Variants in AFG2A observed in about 807,000 individuals in gnomAD.
AFG2A encodes the protein ATPase family gene 2 protein homolog A.
chr4:122,937,730 T>G, the AFG2A span, among the ~76,000 whole-genome samples: 54 of 152,326 alleles, frequency 3.5e-4, no homozygotes, highest in Non-Finnish European at 7.2e-4. Flanking sequence ...TTTAATGGTT[T>G]AAAAATAACA....
At chr4:123,177,839 G>A in the AFG2A span, among the ~76,000 whole-genome samples, 2 of 152,082 alleles carry the variant, frequency 1.3e-5, no homozygotes, top group Admixed American at 6.5e-5. Context: ...GCCGCATAGG[G>A]GACTATGAAG....
chr4:123,193,026 GATC>G, the AFG2A span, among the ~76,000 whole-genome samples: 5 of 152,258 alleles, frequency 3.3e-5, no homozygotes, highest in Admixed American at 6.5e-5. Context: ...TTGCTTGCTC[GATC>G]ATCAAGTGGC....
the AFG2A span, among the ~76,000 whole-genome samples, chr4:123,193,792 T>C: frequency 1.3e-5 from 2 of 152,210 alleles, no homozygotes; most frequent in African/African-American, 4.8e-5. Context: ...CTATAAAATA[T>C]GCTTCAAAAA....
At chr4:122,943,303 A>G in the AFG2A span, among the ~76,000 whole-genome samples, 10 of 152,166 alleles carry the variant, frequency 6.6e-5, no homozygotes, top group Admixed American at 1.3e-4. Flanking sequence ...GACTTGCTTT[A>G]TGAATCTGGG....
chr4:123,035,066 T>C, the AFG2A span, among the ~76,000 whole-genome samples: 2 of 151,986 alleles, frequency 1.3e-5, no homozygotes, highest in Non-Finnish European at 2.9e-5. Context: ...GAACCTGGGT[T>C]TGGGGCTGCC....
the AFG2A span, among the ~76,000 whole-genome samples, chr4:123,095,608 A>G: frequency 1.3e-5 from 2 of 152,168 alleles, no homozygotes; most frequent in Non-Finnish European, 2.9e-5. Context: ...TGAAGTAAAG[A>G]CACAGTTTTT....
At chr4:123,207,372 C>T in the AFG2A span, among the ~76,000 whole-genome samples, 4 of 138,162 alleles carry the variant, frequency 2.9e-5, no homozygotes, top group Non-Finnish European at 4.5e-5. Flanking sequence ...AGTGTAGTGG[C>T]GCAATCACAC....
the AFG2A span, among the ~76,000 whole-genome samples, chr4:123,260,487 A>G: frequency 6.6e-6 from 1 of 152,226 alleles, no homozygotes; most frequent in African/African-American, 2.4e-5. Flanking sequence ...ATTATAGCTA[A>G]TAAAAGGAGA....
the AFG2A span, among the ~76,000 whole-genome samples, chr4:123,126,581 T>A: frequency 1.5e-3 from 225 of 152,270 alleles, 1 homozygote; most frequent in Admixed American, 2.7e-3. Context: ...AATTGAATCA[T>A]GGGGGTGCTT....
chr4:123,166,001 A>G, the AFG2A span, among the ~76,000 whole-genome samples: 1 of 152,156 alleles, frequency 6.6e-6, no homozygotes, highest in Non-Finnish European at 1.5e-5. Context: ...TTGGCTTCAT[A>G]TTTTTAATTT....
chr4:123,220,233 A>G, the AFG2A span, among the ~76,000 whole-genome samples: 2 of 152,166 alleles, frequency 1.3e-5, no homozygotes, highest in Non-Finnish European at 2.9e-5. Context: ...ATATAATTCT[A>G]TTACATATTT....
chr4:123,227,754 C>T, the AFG2A span, among the ~76,000 whole-genome samples: 2 of 152,108 alleles, frequency 1.3e-5, no homozygotes, highest in South Asian at 4.2e-4. Context: ...GAGTTCAATT[C>T]CTGGGTATCC....
chr4:123,020,952 A>AT, the AFG2A span, among the ~76,000 whole-genome samples: 1 of 152,006 alleles, frequency 6.6e-6, no homozygotes, highest in South Asian at 2.1e-4. Context: ...AAACATTACG[A>AT]TTTTTTTCTT....
the AFG2A span, among the ~76,000 whole-genome samples, chr4:123,204,626 C>CT: frequency 4.6e-5 from 7 of 152,264 alleles, no homozygotes; most frequent in African/African-American, 1.7e-4. Flanking sequence ...TTTTAATTCT[C>CT]TTAACAGGGA....
the AFG2A span, among the ~76,000 whole-genome samples, chr4:123,297,448 G>A: frequency 1.3e-5 from 2 of 152,286 alleles, no homozygotes; most frequent in South Asian, 2.1e-4. Context: ...GAGGCCGGGT[G>A]TGGTGGCTCA....
chr4:122,951,456 A>ACG, the AFG2A span, among the ~76,000 whole-genome samples: 14 of 151,040 alleles, frequency 9.3e-5, no homozygotes, highest in South Asian at 2.1e-4. Context: ...ACACACACAC[A>ACG]CACGCACGCA....
At chr4:123,118,288 T>C in the AFG2A span, among the ~76,000 whole-genome samples, 1 of 98,984 alleles carries the variant, frequency 1.0e-5, no homozygotes, top group African/African-American at 3.5e-5. Flanking sequence ...CAAATATAAA[T>C]ATATGTTTAT....
chr4:122,947,391 G>C, the AFG2A span: 1 of 1,614,018 alleles, frequency 6.2e-7, no homozygotes, highest in South Asian at 1.1e-5. Flanking sequence ...TGCTTCGAAG[G>C]GTACCCCATT....
At chr4:123,124,081 A>G in the AFG2A span, among the ~76,000 whole-genome samples, 9 of 152,034 alleles carry the variant, frequency 5.9e-5, no homozygotes, top group African/African-American at 1.9e-4. Context: ...ACAGTGTGGC[A>G]ATTCCTCAAG....
Sources: gnomAD v4.1 joint callset for allele counts (sites outside exome capture counted in the v4.1 genomes callset) on GRCh38, gnomAD v4.1.1 for gene constraint, MANE v1.5 for transcripts, NCBI Gene and HGNC (gene_info 2026-07-23, HGNC 2026-07-21) for gene names.